SUPT3H: variants seen among roughly 807,000 people sequenced by gnomAD.
SUPT3H encodes the protein transcription initiation protein SPT3 homolog.
A neutral mutation model predicts 44.3 loss-of-function variants in SUPT3H; 44 were observed. That is an observed-to-expected ratio of 0.99 (90% confidence interval 0.78 to 1.28). The LOEUF (loss-of-function observed/expected upper bound fraction) is 1.28. SUPT3H is among the 50% of genes most tolerant of loss of function. The pLI is 0.00. For missense variants in SUPT3H, 380 were observed against 387.1 expected (o/e 0.98, Z 0.15); for synonymous variants, 124 against 125.6 (o/e 0.99, Z 0.09).
At chr6:45,214,014 GC>G (rs1764571760) in intron 2 of SUPT3H, among the ~76,000 whole-genome samples, 3 of 8,016 alleles carry the variant, frequency 3.7e-4, no homozygotes, top group African/African-American at 9.5e-4. Flanking sequence ...ATTTTGAAAT[GC>G]AAAAAAAAAA....
At chr6:45,144,276 T>A (rs1264038902) in intron 2 of SUPT3H, among the ~76,000 whole-genome samples, 1 of 152,148 alleles carries the variant, frequency 6.6e-6, no homozygotes, top group Non-Finnish European at 1.5e-5. Flanking sequence ...CTGATGGACG[T>A]AGATGCAAAG....
intron 10 of SUPT3H, among the ~76,000 whole-genome samples, chr6:44,922,301 T>C (rs1010850160): frequency 6.6e-6 from 1 of 152,236 alleles, no homozygotes; most frequent in African/African-American, 2.4e-5. Flanking sequence ...CTTAAATATA[T>C]GTTGGGCACA....
intron 2 of SUPT3H, among the ~76,000 whole-genome samples, chr6:45,231,744 A>G (rs532610860): frequency 2.0e-5 from 3 of 152,268 alleles, no homozygotes; most frequent in African/African-American, 4.8e-5. Context: ...ACATTTGATC[A>G]CTATGTGGTG....
chr6:44,903,800 G>A (rs139002122), intron 10 of SUPT3H, among the ~76,000 whole-genome samples: 3,784 of 152,174 alleles, frequency 0.025, 171 homozygotes, highest in African/African-American at 0.085. Flanking sequence ...CTGGCAAACC[G>A]AATCCAGCAG....
At chr6:45,260,000 C>T (rs1774090707) in intron 2 of SUPT3H, among the ~76,000 whole-genome samples, 1 of 152,174 alleles carries the variant, frequency 6.6e-6, no homozygotes, top group Admixed American at 6.5e-5. Context: ...AATTCCGTTA[C>T]TAAGGAACAA....
rs529588421 is a variant in SUPT3H at position 45,285,247 on chromosome 6, A to T, written c.101+79954T>A. 2.1e-3 allele frequency among the ~76,000 whole-genome samples: 326 copies of T among 151,878 alleles called. 1 individual carries two copies. The highest frequency in any genetic ancestry group is 7.4e-3 in the African/African-American group (306 of 41,424). On this transcript the variant is annotated intron_variant, in intron 2 of 10. Coordinates refer to ENST00000371459, the MANE Select transcript of SUPT3H (RefSeq NM_003599.4). ...AGTGTTGGAAGTTCTGGCCAGGGCA[A>T]TCAGGCAGGAGAAGGAAATAAAGGG... is the stretch of plus-strand genomic sequence containing the variant.
intron 3 of SUPT3H, among the ~76,000 whole-genome samples, chr6:45,067,487 T>A (rs1017552073): frequency 8.1e-5 from 12 of 148,132 alleles, no homozygotes; most frequent in African/African-American, 1.2e-4. Context: ...CTAAAGAGCT[T>A]CTGCACAGCA....
At chr6:45,026,792 C>A (rs1786076960) in intron 3 of SUPT3H, among the ~76,000 whole-genome samples, 1 of 152,092 alleles carries the variant, frequency 6.6e-6, no homozygotes, top group Non-Finnish European at 1.5e-5. Context: ...TTCTTAGACA[C>A]CCCAAATTTG....
At chr6:44,995,939 C>A (rs1454140270) in intron 6 of SUPT3H, among the ~76,000 whole-genome samples, 1 of 152,052 alleles carries the variant, frequency 6.6e-6, no homozygotes, top group Admixed American at 6.6e-5. Context: ...TTTCTCCTTG[C>A]AGCCTTAATT....
At position 44,905,237 on chromosome 6, in the gene SUPT3H, T is replaced by A. The variant is rs967301577; in HGVS notation, c.912+27416A>T. Among the ~76,000 whole-genome samples the A allele has an allele frequency of 9.9e-5, 15 of 152,160 alleles. No homozygotes were observed. In the Middle Eastern group the frequency reaches 0.017, roughly 173 times the overall value. On this transcript the variant is annotated intron_variant, in intron 10 of 10. Coordinates refer to ENST00000371459, the MANE Select transcript of SUPT3H (RefSeq NM_003599.4). ...CTACCATCAGAGTGAACAGGCAACC[T>A]ACAGAATGGAAGAAAATTTTTGCAA...
At chr6:45,113,827 C>CAAAAAAAAAAAAAAAAAAAA (rs374606230) in intron 2 of SUPT3H, among the ~76,000 whole-genome samples, 4 of 112,748 alleles carry the variant, frequency 3.5e-5, no homozygotes, top group African/African-American at 1.4e-4. Context: ...AAGACTCCAT[C>CAAAAAAAAAAAAAAAAAAAA]AAAAAAAAAA....
chr6:45,232,861 G>A (rs1259963508), intron 2 of SUPT3H, among the ~76,000 whole-genome samples: 1 of 152,102 alleles, frequency 6.6e-6, no homozygotes, highest in Non-Finnish European at 1.5e-5. Flanking sequence ...TCACAGCCCT[G>A]GAAAGCTAAC....
intron 2 of SUPT3H, among the ~76,000 whole-genome samples, chr6:45,250,001 T>G (rs969868017): frequency 6.6e-6 from 1 of 152,114 alleles, no homozygotes; most frequent in African/African-American, 2.4e-5. Flanking sequence ...ATGTTCAGTC[T>G]AAGAGAAACA....
chr6:45,328,305 C>T lies in SUPT3H; in HGVS notation c.101+36896G>A, dbSNP rs752481856. The T allele has an allele frequency of 2.9e-6, 4 of 1,367,858 alleles. No individual in the cohort carries two copies. In the Admixed American group the frequency reaches 5.8e-5, roughly 20 times the overall value. The allele number at this position is 1,367,858 out of a possible 1,614,324, so 84.7% of individuals were successfully genotyped here. ...AAAAAAAGGAGTTTTAAAGCTTTTG[C>T]TTTTTTGGATTGTGTGAATGCTTCA... On this transcript the variant is annotated intron_variant, in intron 2 of 10. Transcript: ENST00000371459.
chr6:45,224,571 A>G (rs1178128238), intron 2 of SUPT3H, among the ~76,000 whole-genome samples: 4 of 152,162 alleles, frequency 2.6e-5, no homozygotes, highest in Non-Finnish European at 4.4e-5. Context: ...AGAGGTCAGG[A>G]GTTCGAGACC....
At chr6:44,935,122 C>G (rs1771195095) in intron 9 of SUPT3H, among the ~76,000 whole-genome samples, 2 of 151,832 alleles carry the variant, frequency 1.3e-5, no homozygotes, top group South Asian at 4.1e-4. Flanking sequence ...TTGATTTGCT[C>G]ATTGAGTTCT....
chr6:44,879,614 C>G (rs1287918661), intron 10 of SUPT3H, among the ~76,000 whole-genome samples: 2 of 149,020 alleles, frequency 1.3e-5, no homozygotes, highest in Non-Finnish European at 3.0e-5. Flanking sequence ...GGCCCTGACC[C>G]CCATGCCTCC....
Position 45,282,858 on chromosome 6 carries a change from G to C in SUPT3H, c.101+82343C>G, listed in dbSNP as rs112707108. ...GAGAAAGGTCAAGTTACCCACTAAC[G>C]GAAGCCCATCAGACTAACGGCTGAT... On this transcript the variant is annotated intron_variant, in intron 2 of 10. Transcript: ENST00000371459. Among the ~76,000 whole-genome samples the C allele has an allele frequency of 1.2e-4, 19 of 152,294 alleles. No individual in the cohort carries two copies. In the South Asian group the frequency reaches 3.7e-3, roughly 30 times the overall value.
chr6:45,132,300 CATCAACCCTGGTACATAAAA>C (rs1340615847), intron 2 of SUPT3H, among the ~76,000 whole-genome samples: 1 of 152,166 alleles, frequency 6.6e-6, no homozygotes, highest in Admixed American at 6.5e-5. Context: ...GTAAACTTCC[CATCAACCCTGGTACATAAAA>C]TAAGCTAACT....
Sources: allele counts gnomAD v4.1 joint callset (sites outside exome capture counted in the v4.1 genomes callset), GRCh38; gene constraint gnomAD v4.1.1; transcripts MANE v1.5; gene names NCBI Gene and HGNC (gene_info 2026-07-23, HGNC 2026-07-21).